The following AMY2B variants were observed in gnomAD, a reference collection of about 807,000 sequenced individuals.
The protein encoded by AMY2B is alpha-amylase 2B.
Under a neutral mutation model 59.3 loss-of-function variants are expected in AMY2B, and 63 were observed. The observed-to-expected ratio is 1.06, with a 90% CI of 0.87 to 1.31. The LOEUF (loss-of-function observed/expected upper bound fraction) is 1.31, where lower values mean the gene tolerates loss of function less well. Ranked by LOEUF, AMY2B falls within the 50% of genes most tolerant of loss-of-function variation. The pLI is 0.00. For missense variants in AMY2B, 635 were observed against 626.7 expected, an observed-to-expected ratio of 1.01 and a Z score of -0.14; for synonymous variants, 180 against 198.1, an observed-to-expected ratio of 0.91 and a Z score of 0.77.
At chr1:103,562,330 T>C (rs961830620) in intron 1 of AMY2B, among the ~76,000 whole-genome samples, 1 of 152,220 alleles carries the variant, frequency 6.6e-6, no homozygotes, top group African/African-American at 2.4e-5. Flanking sequence ...GCAAACTTGA[T>C]TATCTGTGCT....
In AMY2B at chr1:103,579,425, T is replaced by C. The variant is rs540704253; in HGVS notation, c.1461T>C (p.Asp487=). The change falls in exon 10 of 10, where the codon GAT becomes GAC. Residue 487 remains aspartate (D), a synonymous_variant. Transcript: ENST00000684275. The part of the protein sequence containing the change: ...CTGIKIYVSD[D]GKAHFSISNS... ...GCATTAAAATCTACGTTTCTGACGATGGCAAAGCTCATTTTTCTATTAGTA... is the reference window on the plus strand; with the variant it reads ...GCATTAAAATCTACGTTTCTGACGACGGCAAAGCTCATTTTTCTATTAGTA... 6.2e-7 allele frequency: 1 copy of C among 1,611,846 alleles called. No individual in the cohort carries two copies. The highest frequency in any genetic ancestry group is 1.7e-5 in the Admixed American group (1 of 60,012).
At chr1:103,575,767 A>C in intron 7 of AMY2B, 4 of 558,944 alleles carry the variant, frequency 7.2e-6, no homozygotes, top group African/African-American at 2.0e-5. Context: ...ACATCCCCCT[A>C]GCCCACAGGA....
intron 1 of AMY2B, among the ~76,000 whole-genome samples, chr1:103,562,795 A>G (rs1448660472): frequency 6.6e-6 from 1 of 151,594 alleles, no homozygotes; most frequent in African/African-American, 2.4e-5. Flanking sequence ...ATAGTTATAT[A>G]AGTAGAAAGG....
In AMY2B at chr1:103,573,247, A is replaced by G. The variant is rs764180848; in HGVS notation, c.500A>G (p.Asn167Ser). ...GGAAGTGGAGATATCGAGAACTACAATGATGCTACTCAGGTAAATTTTTTT... is the reference window on the plus strand; with the variant it reads ...GGAAGTGGAGATATCGAGAACTACAGTGATGCTACTCAGGTAAATTTTTTT... ...KTGSGDIENY[N>S]DATQVRDCRL... Residue 167 changes from asparagine to serine, a missense_variant, in exon 3 of 10, where the codon AAT becomes AGT. Physicochemically the swap from Asn to Ser is conservative, Grantham distance 46. Transcript: ENST00000684275. The G allele has an allele frequency of 3.1e-6, 5 of 1,613,506 alleles. No homozygotes were observed. Among genetic ancestry groups the G allele is most frequent in the Admixed American group, 3.3e-5 (2 of 59,988 alleles).
intron 2 of AMY2B, 127 bp from the exon 3 acceptor site, chr1:103,572,936 G>A: frequency 6.4e-7 from 1 of 1,554,392 alleles, no homozygotes; most frequent in South Asian, 1.2e-5. Flanking sequence ...TGATCTTGTA[G>A]GAAAATAGTT....
chr1:103,577,068 T>G (rs1022047144), intron 7 of AMY2B, among the ~76,000 whole-genome samples: 1 of 152,128 alleles, frequency 6.6e-6, no homozygotes, highest in Non-Finnish European at 1.5e-5. Flanking sequence ...GACCTCGTCT[T>G]TACTGAAAAT....
chr1:103,563,680 A>G (rs1353144145), intron 1 of AMY2B, among the ~76,000 whole-genome samples: 1 of 152,070 alleles, frequency 6.6e-6, no homozygotes, highest in Non-Finnish European at 1.5e-5. Flanking sequence ...TCCCTAAATT[A>G]TATCTGCAAA....
intron 9 of AMY2B, among the ~76,000 whole-genome samples, chr1:103,578,648 G>T (rs576130402): frequency 1.3e-5 from 2 of 152,096 alleles, no homozygotes; most frequent in Non-Finnish European, 2.9e-5. Flanking sequence ...CCCATGTCTA[G>T]TTCTTTAATT....
chr1:103,571,368 A>C, upstream of AMY2B: 1 of 1,114,736 alleles, frequency 9.0e-7, no homozygotes, highest in East Asian at 2.7e-5. Flanking sequence ...TGGAAAAATA[A>C]AAGTGCTGCC....
At position 103,579,361 on chromosome 1, in the gene AMY2B, A is replaced by G; in HGVS notation, c.1397A>G (p.Asp466Gly). Residue 466 changes from aspartate (D) to glycine (G), a missense_variant, in exon 10 of 10, where the codon GAT (aspartate) becomes GGT (glycine). By Grantham distance (94) the Asp-to-Gly change is moderately conservative. Transcript: ENST00000684275. The stretch of plus-strand genomic sequence containing the variant: ...GGTCTTCCTGCTGGCACATACTGTG[A>G]TGTCATTTCTGGAGATAAAATTAAT... ...QTGLPAGTYCDVISGDKINGN... is the reference protein window; with the variant it reads ...QTGLPAGTYCGVISGDKINGN... 1.2e-6 allele frequency: 2 copies of G among 1,611,800 alleles called. No homozygotes were observed. The highest frequency in any genetic ancestry group is 1.7e-6 in the Non-Finnish European group (2 of 1,179,728).
intron 1 of AMY2B, among the ~76,000 whole-genome samples, chr1:103,555,597 T>C (rs1369158876): frequency 6.6e-6 from 1 of 152,210 alleles, no homozygotes; most frequent in African/African-American, 2.4e-5. Context: ...CATAAAATTA[T>C]TCTGTTCCTT....
chr1:103,578,839 A>G (rs1238160662), intron 9 of AMY2B, among the ~76,000 whole-genome samples: 1 of 136,252 alleles, frequency 7.3e-6, no homozygotes, highest in South Asian at 2.6e-4. Context: ...TTTTTAAATT[A>G]TACTTTAAAT....
intron 7 of AMY2B, among the ~76,000 whole-genome samples, chr1:103,576,541 C>G (rs1370493554): frequency 1.3e-5 from 2 of 152,002 alleles, no homozygotes; most frequent in East Asian, 3.9e-4. Context: ...TGACATAATT[C>G]TAAGGTCAAC....
chr1:103,573,129 A>G lies in AMY2B; in HGVS notation c.382A>G (p.Ser128Gly). The G allele has an allele frequency of 6.2e-7, 1 of 1,613,824 alleles. No homozygotes were observed. The highest frequency in any genetic ancestry group is 1.1e-5 in the South Asian group (1 of 91,072). ...TAATGCTGTGAGTGCAGGAACAAGCAGTACCTGTGGAAGTTACTTCAACCC... is the reference window on the plus strand; with the variant it reads ...TAATGCTGTGAGTGCAGGAACAAGCGGTACCTGTGGAAGTTACTTCAACCC... ...SGNAVSAGTS[S>G]TCGSYFNPGS... The change falls in exon 3 of 10, where the codon AGT becomes GGT. Residue 128 changes from serine (S) to glycine (G), a missense_variant. Ser to Gly is a moderately conservative substitution (Grantham distance 56, BLOSUM62 0). Coordinates refer to ENST00000684275, the MANE Select transcript of AMY2B (RefSeq NM_001387437.1).
intron 7 of AMY2B, chr1:103,575,881 A>G (rs1239963413): frequency 2.0e-5 from 4 of 204,570 alleles, no homozygotes; most frequent in Admixed American, 5.4e-5. Context: ...ATACATGCCA[A>G]CACTTTTAGA....
At chr1:103,575,789 A>G (rs999128441) in intron 7 of AMY2B, 12 of 463,492 alleles carry the variant, frequency 2.6e-5, no homozygotes, top group Non-Finnish European at 4.3e-5. Context: ...AAAAAAAAAA[A>G]CCACTTAAAA....
intron 1 of AMY2B, among the ~76,000 whole-genome samples, chr1:103,559,820 C>G (rs1651676956): frequency 6.6e-6 from 1 of 151,846 alleles, no homozygotes; most frequent in African/African-American, 2.4e-5. Flanking sequence ...ACAAAAGGTA[C>G]TATAATATAT....
At chr1:103,566,163 T>C (rs1570640294) in intron 2 of AMY2B, among the ~76,000 whole-genome samples, 1 of 152,298 alleles carries the variant, frequency 6.6e-6, no homozygotes, top group Non-Finnish European at 1.5e-5. Flanking sequence ...GTCAAACCCA[T>C]TCTTCAAGTC....
intron 1 of AMY2B, among the ~76,000 whole-genome samples, chr1:103,564,756 C>T (rs1347526395): frequency 6.6e-6 from 1 of 152,196 alleles, no homozygotes; most frequent in Non-Finnish European, 1.5e-5. Context: ...ACTGTCATTG[C>T]TTTGTTGAAA....
Sources: gnomAD v4.1 joint callset for allele counts (sites outside exome capture counted in the v4.1 genomes callset) on GRCh38, gnomAD v4.1.1 for gene constraint, MANE v1.5 for transcripts, NCBI Gene and HGNC (gene_info 2026-07-23, HGNC 2026-07-21) for gene names.